CIMIP6: variants seen among roughly 807,000 people sequenced by gnomAD.
The protein encoded by CIMIP6 is ciliary microtubule inner protein 6, also known as uncharacterized protein C2orf73.
At chr2:54,335,050 A>G in the CIMIP6 span, 4 of 1,529,036 alleles carry the variant, frequency 2.6e-6, no homozygotes, top group Non-Finnish European at 3.5e-6. Flanking sequence ...ATTGTATACA[A>G]ATAGAGATTT....
chr2:54,331,414 C>G, the CIMIP6 span, among the ~76,000 whole-genome samples: 431 of 152,302 alleles, frequency 2.8e-3, 1 homozygote, highest in Middle Eastern at 0.02. Context: ...CCTTACCCCT[C>G]TGCAGCCTCC....
At chr2:54,335,849 AC>A in the CIMIP6 span, among the ~76,000 whole-genome samples, 1 of 152,128 alleles carries the variant, frequency 6.6e-6, no homozygotes, top group Non-Finnish European at 1.5e-5. Flanking sequence ...GCTTCTAGAG[AC>A]TGCCCATGTT....
the CIMIP6 span, chr2:54,382,028 C>A: frequency 6.8e-7 from 1 of 1,480,854 alleles, no homozygotes; most frequent in South Asian, 1.4e-5. Context: ...GAAGCTAAGG[C>A]CCAGAGAAGT....
chr2:54,334,643 T>A, the CIMIP6 span, among the ~76,000 whole-genome samples: 1 of 152,198 alleles, frequency 6.6e-6, no homozygotes, highest in Non-Finnish European at 1.5e-5. Flanking sequence ...CTTATATGAT[T>A]TAGAATTAGA....
chr2:54,370,693 C>A, the CIMIP6 span, among the ~76,000 whole-genome samples: 1 of 152,120 alleles, frequency 6.6e-6, no homozygotes, highest in African/African-American at 2.4e-5. Flanking sequence ...GTTGCGGGGG[C>A]CTGCTTCCCT....
At chr2:54,343,998 A>G in the CIMIP6 span, 2 of 904,516 alleles carry the variant, frequency 2.2e-6, no homozygotes, top group Non-Finnish European at 3.1e-6. Context: ...GAAAATACAC[A>G]CACAGCAAAT....
At chr2:54,379,652 C>T in the CIMIP6 span, among the ~76,000 whole-genome samples, 1 of 152,002 alleles carries the variant, frequency 6.6e-6, no homozygotes, top group Admixed American at 6.5e-5. Context: ...GCCTGGGCAA[C>T]ATAGGGAGAC....
chr2:54,374,047 C>T, the CIMIP6 span, among the ~76,000 whole-genome samples: 1,682 of 152,274 alleles, frequency 0.011, 32 homozygotes, highest in African/African-American at 0.038. Flanking sequence ...AATTCACTTT[C>T]GTTATTATGT....
the CIMIP6 span, among the ~76,000 whole-genome samples, chr2:54,340,209 C>T: frequency 1.3e-5 from 1 of 74,622 alleles, no homozygotes; most frequent in African/African-American, 4.5e-5. Flanking sequence ...ACCCCCTCTA[C>T]AATCTGCAAG....
At chr2:54,333,731 A>G in the CIMIP6 span, among the ~76,000 whole-genome samples, 1 of 152,060 alleles carries the variant, frequency 6.6e-6, no homozygotes, top group Non-Finnish European at 1.5e-5. Flanking sequence ...TCTACTAAAA[A>G]AAAATACAAA....
the CIMIP6 span, among the ~76,000 whole-genome samples, chr2:54,373,849 C>T: frequency 1.3e-5 from 2 of 152,192 alleles, no homozygotes; most frequent in Non-Finnish European, 2.9e-5. Flanking sequence ...CTCTTCCCTG[C>T]ACCTGTTATT....
the CIMIP6 span, among the ~76,000 whole-genome samples, chr2:54,367,523 T>G: frequency 6.6e-6 from 1 of 152,082 alleles, no homozygotes; most frequent in South Asian, 2.1e-4. Flanking sequence ...ATATATATAT[T>G]TATTGGTAAT....
the CIMIP6 span, among the ~76,000 whole-genome samples, chr2:54,377,020 G>A: frequency 1.8e-3 from 273 of 152,264 alleles, 2 homozygotes; most frequent in Non-Finnish European, 1.7e-3. Flanking sequence ...TTAGCAGTCC[G>A]TTTTCCTGAC....
chr2:54,369,487 G>C, the CIMIP6 span, among the ~76,000 whole-genome samples: 1 of 152,084 alleles, frequency 6.6e-6, no homozygotes, highest in Non-Finnish European at 1.5e-5. Context: ...GTCATCTTAA[G>C]GATCACATTA....
At chr2:54,331,526 G>A in the CIMIP6 span, among the ~76,000 whole-genome samples, 2 of 151,708 alleles carry the variant, frequency 1.3e-5, no homozygotes, top group Middle Eastern at 3.2e-3. Context: ...ATGGCCTATG[G>A]AGTCTACACA....
At chr2:54,332,268 C>T in the CIMIP6 span, among the ~76,000 whole-genome samples, 1 of 152,184 alleles carries the variant, frequency 6.6e-6, no homozygotes, top group African/African-American at 2.4e-5. Context: ...ACATACACTC[C>T]CTTTTCCCAT....
At chr2:54,381,830 CT>C in the CIMIP6 span, 1 of 1,524,836 alleles carries the variant, frequency 6.6e-7, no homozygotes, top group Non-Finnish European at 8.8e-7. Context: ...AGTGGGTGTT[CT>C]TGTCTTCCTT....
chr2:54,378,344 C>T, the CIMIP6 span, among the ~76,000 whole-genome samples: 18 of 152,330 alleles, frequency 1.2e-4, no homozygotes, highest in African/African-American at 4.1e-4. Flanking sequence ...TTGCAGCCTC[C>T]GGAGCTTATC....
At chr2:54,379,703 A>G in the CIMIP6 span, among the ~76,000 whole-genome samples, 1 of 152,012 alleles carries the variant, frequency 6.6e-6, no homozygotes, top group African/African-American at 2.4e-5. Flanking sequence ...TTGGCCAGGC[A>G]TGGTGACTCA....
Sources: gnomAD v4.1 joint callset for allele counts (sites outside exome capture counted in the v4.1 genomes callset) on GRCh38, gnomAD v4.1.1 for gene constraint, MANE v1.5 for transcripts, NCBI Gene and HGNC (gene_info 2026-07-23, HGNC 2026-07-21) for gene names.